FBXO24: variants seen among roughly 807,000 people sequenced by gnomAD.
FBXO24 encodes F-box protein 24.
A neutral mutation model predicts 63.5 loss-of-function variants in FBXO24; 30 were observed. The ratio of observed to expected loss-of-function variants is 0.47; its 90% CI spans 0.35 to 0.64. The LOEUF (loss-of-function observed/expected upper bound fraction) is 0.64. Among genes scored for constraint, FBXO24 ranks in the 30% least tolerant of loss-of-function variants. The pLI is 0.00. For synonymous variants in FBXO24, 300 were observed against 305.0 expected (o/e 0.98, Z 0.17); for missense variants, 624 against 763.4 (o/e 0.82, Z 2.15).
In FBXO24 at chr7:100,592,802, G is replaced by C. The variant is rs779326468; in HGVS notation, c.578G>C (p.Cys193Ser). The part of the protein sequence containing the change: ...GAKDFASDPR[C>S]DTVYRKYLYV... ...CCCCAGTTTGCCTCGGACCCAAGGTGTGACACAGTTTACCGTAAATACCTC... is the reference window on the plus strand; with the variant it reads ...CCCCAGTTTGCCTCGGACCCAAGGTCTGACACAGTTTACCGTAAATACCTC... The change falls in exon 5 of 10, where the codon TGT becomes TCT. Residue 193 changes from cysteine to serine, a missense_variant. By Grantham distance (112) the Cys-to-Ser change is moderately radical. Around this residue, in one of 3 missense-constraint regions of FBXO24, gnomAD observed 391 missense variants for 469.1 expected, o/e 0.83. Coordinates refer to ENST00000241071, the MANE Select transcript of FBXO24 (RefSeq NM_033506.3). The C allele has an allele frequency of 1.2e-6, 2 of 1,614,082 alleles. No homozygotes were observed. The highest frequency in any genetic ancestry group is 2.2e-5 in the South Asian group (2 of 91,068).
At chr7:100,599,389 C>T (rs991346931) in intron 8 of FBXO24, among the ~76,000 whole-genome samples, 1 of 152,052 alleles carries the variant, frequency 6.6e-6, no homozygotes, top group Non-Finnish European at 1.5e-5. Context: ...GCCTGGTCAA[C>T]ATGGCAAAAC....
Position 100,595,502 on chromosome 7 carries a change from C to G in FBXO24, c.1075-73C>G, listed in dbSNP as rs558578829. ...TCAGCTGGGGATGGCAGGTTAGTGGCTTGGAGACTCTGGAACTCAGAGTTC... is the reference window on the plus strand; with the variant it reads ...TCAGCTGGGGATGGCAGGTTAGTGGGTTGGAGACTCTGGAACTCAGAGTTC... On this transcript the variant is annotated intron_variant, in intron 7 of 9. Transcript: ENST00000241071. 71 of 1,495,860 alleles carry G rather than the reference C, an allele frequency of 4.7e-5. No individual in the cohort carries two copies. The African/African-American group carries it at 9.9e-4, about 21-fold the overall frequency. The allele number at this position is 1,495,860 out of a possible 1,614,324, so 92.7% of individuals were successfully genotyped here. A position where few individuals can be genotyped will look rare whatever the true frequency, so the allele number is the denominator to read the frequency against.
intron 8 of FBXO24, 146 bp downstream of exon 8, chr7:100,595,852 C>A: frequency 8.9e-7 from 1 of 1,127,356 alleles, no homozygotes; most frequent in Non-Finnish European, 1.2e-6. Context: ...GCCAGTGGTA[C>A]TACCCCATGT....
intron 1 of FBXO24, among the ~76,000 whole-genome samples, chr7:100,588,546 G>T (rs758356524): frequency 6.6e-6 from 1 of 152,178 alleles, no homozygotes; most frequent in Non-Finnish European, 1.5e-5. Context: ...GTGTGGTGAG[G>T]GCTGGTGGTC....
intron 8 of FBXO24, among the ~76,000 whole-genome samples, chr7:100,596,780 C>T (rs962356998): frequency 2.0e-5 from 3 of 152,196 alleles, no homozygotes; most frequent in African/African-American, 7.2e-5. Context: ...AGATATCTCA[C>T]ACCTGTAATC....
At position 100,586,748 on chromosome 7, in the gene FBXO24, G is replaced by T. The variant is rs372431075; in HGVS notation, c.39+84G>T. ...GAACGCAGTTCGCCGCTGCAGTGGC[G>T]AGTGCGAGCTGGACGTGTTAGGGGG... On this transcript the variant is annotated intron_variant, in intron 1 of 9. Coordinates refer to ENST00000241071, the MANE Select transcript of FBXO24 (RefSeq NM_033506.3). 45 of 1,490,238 alleles carry T rather than the reference G, an allele frequency of 3.0e-5. No homozygotes were observed. The East Asian group carries it at 7.2e-4, about 24-fold the overall frequency. 92.3% of individuals were successfully genotyped at this position (1,490,238 alleles called of 1,614,324 possible).
At chr7:100,599,963 C>A (rs1040361437) in intron 8 of FBXO24, 68 bp from the exon 9 acceptor site, 2 of 1,514,922 alleles carry the variant, frequency 1.3e-6, no homozygotes, top group African/African-American at 1.4e-5. Context: ...TCCAGTCAAC[C>A]TTTTCCCACC....
intron 5 of FBXO24, among the ~76,000 whole-genome samples, chr7:100,593,300 G>C (rs1802120803): frequency 6.6e-6 from 1 of 152,090 alleles, no homozygotes; most frequent in African/African-American, 2.4e-5. Context: ...TTTGAGACCA[G>C]CCTGGCCAAC....
At chr7:100,597,432 C>G (rs1349115080) in intron 8 of FBXO24, among the ~76,000 whole-genome samples, 2 of 151,990 alleles carry the variant, frequency 1.3e-5, no homozygotes, top group Admixed American at 6.6e-5. Context: ...GAGTCTTGCT[C>G]TGTCTCCCAG....
chr7:100,589,891 A>G (rs1187116398), intron 1 of FBXO24, 86 bp from the exon 2 acceptor site: 2 of 1,559,990 alleles, frequency 1.3e-6, no homozygotes, highest in Non-Finnish European at 1.7e-6. Flanking sequence ...GCCCAGCTAG[A>G]GTCAGATGAG....
chr7:100,589,797 AG>A, intron 1 of FBXO24, 179 bp from the exon 2 acceptor site: 1 of 1,523,300 alleles, frequency 6.6e-7, no homozygotes, highest in Non-Finnish European at 8.8e-7. Context: ...GCTCCGGGTG[AG>A]GGGGATTGGC....
rs1172999133 is a variant in FBXO24 at position 100,586,534 on chromosome 7, C to A, written c.-92C>A. The A allele has an allele frequency of 6.0e-6, 8 of 1,343,320 alleles. No homozygotes were observed. The highest frequency in any genetic ancestry group is 8.5e-6 in the Non-Finnish European group (8 of 938,310). The allele number at this position is 1,343,320 out of a possible 1,614,324, so 83.2% of individuals were successfully genotyped here. On this transcript the variant is annotated 5_prime_UTR_variant, in exon 1 of 10. Coordinates refer to ENST00000241071, the MANE Select transcript of FBXO24 (RefSeq NM_033506.3). ...CCAAAGACCAATCGTAAGCCAGATA[C>A]AGGCGAGTGACTGTCAAGAAGGCCA...
rs1023601841 is a variant in FBXO24 at position 100,601,076 on chromosome 7, T to G, written c.*177T>G. 1 of 706,804 alleles carries G rather than the reference T, an allele frequency of 1.4e-6. No individual in the cohort carries two copies. Among genetic ancestry groups the G allele is most frequent in the Non-Finnish European group, 2.2e-6 (1 of 463,904 alleles). The allele number at this position is 706,804 out of a possible 1,614,324, so 43.8% of individuals were successfully genotyped here. On this transcript the variant is annotated 3_prime_UTR_variant, in exon 10 of 10. Coordinates refer to ENST00000241071, the MANE Select transcript of FBXO24 (RefSeq NM_033506.3). ...GGAGGGGCCCCCAACCTGACTATCA[T>G]GGACAAGAGATTTGATGGATAGAAT...
At position 100,597,063 on chromosome 7, in the gene FBXO24, C is replaced by G. The variant is rs537328041; in HGVS notation, c.1206+1357C>G. ...TCTCAAAACAAAACAAAACAAAAAC[C>G]ACACTCAATTGGAAACGTCTAGCTG... is the stretch of plus-strand genomic sequence containing the variant. On this transcript the variant is annotated intron_variant, in intron 8 of 9. Coordinates refer to ENST00000241071, the MANE Select transcript of FBXO24 (RefSeq NM_033506.3). 1.3e-4 allele frequency among the ~76,000 whole-genome samples: 20 copies of G among 152,148 alleles called. No homozygotes were observed. The South Asian group carries it at 4.2e-3, about 32-fold the overall frequency.
At position 100,600,937 on chromosome 7, in the gene FBXO24, C is replaced by A. The variant is rs1228754335; in HGVS notation, c.*38C>A. 13 of 1,586,774 alleles carry A rather than the reference C, an allele frequency of 8.2e-6. No homozygotes were observed. Among genetic ancestry groups the A allele is most frequent in the Non-Finnish European group, 1.1e-5 (13 of 1,167,616 alleles). On this transcript the variant is annotated 3_prime_UTR_variant, in exon 10 of 10. Coordinates refer to ENST00000241071, the MANE Select transcript of FBXO24 (RefSeq NM_033506.3). This position sits in a 1 kb window ranked among gnomAD's most constrained non-coding sequence, Gnocchi z 6.3. The stretch of plus-strand genomic sequence containing the variant: ...TAGCCTAGTCCCTGGAGGAGGGAGT[C>A]CGGCCCCAGGCCAGGGACTAAGGAG...
At chr7:100,597,407 T>A (rs541345544) in intron 8 of FBXO24, among the ~76,000 whole-genome samples, 45 of 152,274 alleles carry the variant, frequency 3.0e-4, no homozygotes, top group Middle Eastern at 3.4e-3. Context: ...TTATTTTTAT[T>A]TTATTTTCAA....
In FBXO24 at chr7:100,586,471, C is replaced by G; in HGVS notation, c.-155C>G. The G allele has an allele frequency of 1.3e-6, 1 of 778,182 alleles. No individual in the cohort carries two copies. Among genetic ancestry groups the G allele is most frequent in the Non-Finnish European group, 2.2e-6 (1 of 463,692 alleles). The allele number at this position is 778,182 out of a possible 1,614,324, so 48.2% of individuals were successfully genotyped here. A position where few individuals can be genotyped will look rare whatever the true frequency, so the allele number is the denominator to read the frequency against. ...GCACTCCACTAGCAGGAAAACGGGC[C>G]GAGGGACCGCAAGCAGGGGGTGCCT... On this transcript the variant is annotated 5_prime_UTR_variant, in exon 1 of 10. Coordinates refer to ENST00000241071, the MANE Select transcript of FBXO24 (RefSeq NM_033506.3).
chr7:100,601,072 A>G lies in FBXO24; in HGVS notation c.*173A>G, dbSNP rs990403305. On this transcript the variant is annotated 3_prime_UTR_variant, in exon 10 of 10. Coordinates refer to ENST00000241071, the MANE Select transcript of FBXO24 (RefSeq NM_033506.3). ...CCCAGGAGGGGCCCCCAACCTGACT[A>G]TCATGGACAAGAGATTTGATGGATA... 11 of 779,728 alleles carry G rather than the reference A, an allele frequency of 1.4e-5. No homozygotes were observed. Among genetic ancestry groups the G allele is most frequent in the African/African-American group, 1.4e-4 (8 of 56,884 alleles). The allele number at this position is 779,728 out of a possible 1,614,324, so 48.3% of individuals were successfully genotyped here.
chr7:100,587,099 C>T (rs1801795702), intron 1 of FBXO24, among the ~76,000 whole-genome samples: 1 of 152,178 alleles, frequency 6.6e-6, no homozygotes, highest in Non-Finnish European at 1.5e-5. Context: ...CTTGGTGCTA[C>T]GAATGCAGAA....
Sources: gnomAD v4.1 joint callset for allele counts (sites outside exome capture counted in the v4.1 genomes callset) on GRCh38, gnomAD v4.1.1 for gene constraint, gnomAD v4.1.1 regional missense constraint, Gnocchi (gnomAD v3.1) non-coding constraint, MANE v1.5 for transcripts, NCBI Gene and HGNC (gene_info 2026-07-23, HGNC 2026-07-21) for gene names.